ODAD2: variants seen among roughly 807,000 people sequenced by gnomAD.
The protein encoded by ODAD2 is outer dynein arm-docking complex subunit 2.
A neutral mutation model predicts 106.8 loss-of-function variants in ODAD2; 89 were observed. That is an observed-to-expected ratio of 0.83 (90% CI 0.70 to 0.99). The LOEUF (loss-of-function observed/expected upper bound fraction) is 0.99, where lower values mean the gene tolerates loss of function less well. Ranked by LOEUF, ODAD2 falls within the 50% of genes least tolerant of loss-of-function variation. The pLI is 0.00. For synonymous variants in ODAD2, 404 were observed against 436.2 expected, an observed-to-expected ratio of 0.93 and a Z score of 0.92; for missense variants, 1,168 against 1,238.5, an observed-to-expected ratio of 0.94 and a Z score of 0.85.
rs1160268116 is a variant in ODAD2, at chr10:27,944,268, T to C, written c.1697A>G (p.Lys566Arg). 6.2e-7 allele frequency: 1 copy of C among 1,613,890 alleles called. No homozygotes were observed. The highest frequency in any genetic ancestry group is 1.1e-5 in the South Asian group (1 of 91,054). Residue 566 changes from lysine to arginine, a missense_variant, in exon 12 of 20, where the codon AAA becomes AGA. Transcript: ENST00000305242. ...CTGCCTCACCACCCGCCGTGCTCTT[T>C]TAAACTTGGCAACATTCGCGATAGT... ...AETIANVAKF[K>R]RARRVVRQHG...
At chr10:27,951,945 C>A (rs181463807) in intron 10 of ODAD2, among the ~76,000 whole-genome samples, 13 of 151,398 alleles carry the variant, frequency 8.6e-5, no homozygotes, top group African/African-American at 3.2e-4. Context: ...TATAGTGGCA[C>A]GCTCCTGTAG....
At chr10:27,918,359 T>G (rs1844540643) in intron 16 of ODAD2, among the ~76,000 whole-genome samples, 1 of 151,908 alleles carries the variant, frequency 6.6e-6, no homozygotes, top group South Asian at 2.1e-4. Context: ...GAAGTTTGGC[T>G]CATCCTTCCA....
chr10:27,936,047 C>A (rs1456706518), intron 15 of ODAD2, among the ~76,000 whole-genome samples: 1 of 152,088 alleles, frequency 6.6e-6, no homozygotes, highest in Non-Finnish European at 1.5e-5. Flanking sequence ...TACTTTTAAT[C>A]TAGCCATGAC....
At chr10:27,916,120 C>A (rs1161624829) in intron 16 of ODAD2, among the ~76,000 whole-genome samples, 2 of 152,070 alleles carry the variant, frequency 1.3e-5, no homozygotes, top group Admixed American at 1.3e-4. Flanking sequence ...AATATCCCCA[C>A]TGAGAATTAG....
At chr10:27,911,304 C>G (rs1337569722) in intron 16 of ODAD2, among the ~76,000 whole-genome samples, 1 of 152,132 alleles carries the variant, frequency 6.6e-6, no homozygotes, top group Non-Finnish European at 1.5e-5. Context: ...ACATATGCAC[C>G]AGGTGACTCA....
At chr10:27,901,093 C>T (rs916273371) in intron 17 of ODAD2, among the ~76,000 whole-genome samples, 3 of 152,166 alleles carry the variant, frequency 2.0e-5, no homozygotes, top group Non-Finnish European at 2.9e-5. Flanking sequence ...AAGGGAAGCC[C>T]ATCAGACTAA....
At chr10:27,928,766 T>C (rs548210434) in intron 16 of ODAD2, among the ~76,000 whole-genome samples, 2 of 152,126 alleles carry the variant, frequency 1.3e-5, no homozygotes, top group Non-Finnish European at 2.9e-5. Context: ...TTTTAAAATT[T>C]CTATTAATTG....
intron 19 of ODAD2, among the ~76,000 whole-genome samples, chr10:27,857,480 T>TTGGG (rs1175590678): frequency 2.0e-5 from 3 of 152,178 alleles, no homozygotes; most frequent in Non-Finnish European, 4.4e-5. Flanking sequence ...GTCAAGTGTA[T>TTGGG]TGGGTTAAAT....
At chr10:27,914,356 A>G (rs1214331047) in intron 16 of ODAD2, among the ~76,000 whole-genome samples, 1 of 152,074 alleles carries the variant, frequency 6.6e-6, no homozygotes, top group African/African-American at 2.4e-5. Context: ...GTGGGGTCAT[A>G]TTATGTCTCC....
intron 19 of ODAD2, among the ~76,000 whole-genome samples, chr10:27,823,187 G>T (rs1229161505): frequency 6.6e-6 from 1 of 152,082 alleles, no homozygotes; most frequent in African/African-American, 2.4e-5. Context: ...GCCTCAAGTT[G>T]CTCTTGGATT....
chr10:27,908,401 A>G (rs1843747490), intron 16 of ODAD2, among the ~76,000 whole-genome samples: 1 of 152,196 alleles, frequency 6.6e-6, no homozygotes, highest in African/African-American at 2.4e-5. Context: ...CTGAAAAATG[A>G]ATTATCATCA....
intron 19 of ODAD2, among the ~76,000 whole-genome samples, chr10:27,814,768 C>T (rs1836001222): frequency 6.6e-6 from 1 of 152,200 alleles, no homozygotes; most frequent in Admixed American, 6.5e-5. Flanking sequence ...CTTAAACCTC[C>T]TTACAACATC....
At chr10:27,854,927 C>T (rs926659866) in intron 19 of ODAD2, among the ~76,000 whole-genome samples, 8 of 152,110 alleles carry the variant, frequency 5.3e-5, no homozygotes, top group African/African-American at 1.9e-4. Flanking sequence ...CAAGTACTTA[C>T]TGTAGGAACC....
chr10:27,921,694 C>T (rs1844789799), intron 16 of ODAD2, among the ~76,000 whole-genome samples: 1 of 146,698 alleles, frequency 6.8e-6, no homozygotes, highest in Non-Finnish European at 1.5e-5. Flanking sequence ...TGAGACAAAC[C>T]TAGCAAAATT....
chr10:27,987,474 T>G lies in ODAD2; in HGVS notation c.294A>C (p.Gln98His). Residue 98 changes from glutamine (Q) to histidine (H), a missense_variant, in exon 3 of 20, where the codon CAA becomes CAC. Gln to His is a conservative substitution (Grantham distance 24). Coordinates refer to ENST00000305242, the MANE Select transcript of ODAD2 (RefSeq NM_018076.5). ...GCTGCCCAAAGCTCCTAATTTTAATTTGTGGTACAGAGAGAAATAGCAAAG... is the reference window on the plus strand; with the variant it reads ...GCTGCCCAAAGCTCCTAATTTTAATGTGTGGTACAGAGAGAAATAGCAAAG... ...GQPLLFLSVP[Q>H]IKIRSFGQLS... 1.2e-6 allele frequency: 2 copies of G among 1,613,966 alleles called. No homozygotes were observed. Among genetic ancestry groups the G allele is most frequent in the Middle Eastern group, 1.6e-4 (1 of 6,062 alleles).
chr10:27,928,640 C>T (rs1009110430), intron 16 of ODAD2, among the ~76,000 whole-genome samples: 1 of 151,952 alleles, frequency 6.6e-6, no homozygotes, highest in African/African-American at 2.4e-5. Context: ...CAATTTATGG[C>T]AAATTAAATA....
intron 10 of ODAD2, among the ~76,000 whole-genome samples, chr10:27,949,983 G>A (rs1224651210): frequency 6.6e-6 from 1 of 152,150 alleles, no homozygotes; most frequent in African/African-American, 2.4e-5. Flanking sequence ...AGCCCCACAT[G>A]ACCACAGTGA....
chr10:27,881,946 G>C lies in ODAD2; in HGVS notation c.2611-19324C>G, dbSNP rs569723107. ...TTCGGGAGGTTGAAGTGGGCAGATT[G>C]CTTGAGCCCAGAAGTTCGAGACCAG... On this transcript the variant is annotated intron_variant, in intron 17 of 19. Transcript: ENST00000305242. Among the ~76,000 whole-genome samples the C allele has an allele frequency of 5.9e-5, 9 of 152,010 alleles. No individual in the cohort carries two copies. In the East Asian group the frequency reaches 1.8e-3, roughly 30 times the overall value.
intron 19 of ODAD2, among the ~76,000 whole-genome samples, 171 bp from the exon 20 acceptor site, chr10:27,812,796 A>C (rs1835843770): frequency 6.6e-6 from 1 of 152,250 alleles, no homozygotes; most frequent in African/African-American, 2.4e-5. Flanking sequence ...TTAATCTGAT[A>C]CAGGAATTCC....
Sources: allele counts gnomAD v4.1 joint callset (sites outside exome capture counted in the v4.1 genomes callset), GRCh38; gene constraint gnomAD v4.1.1; transcripts MANE v1.5; gene names NCBI Gene and HGNC (gene_info 2026-07-23, HGNC 2026-07-21).